Variants in UNC5C observed in about 807,000 individuals in gnomAD.
UNC5C encodes unc-5 netrin receptor C.
In UNC5C, 47 loss-of-function variants were observed where a neutral mutation model predicts 99.8. The observed-to-expected ratio is 0.47, with a 90% CI of 0.37 to 0.60. UNC5C has a LOEUF of 0.60. Among genes scored for constraint, UNC5C ranks in the 20% least tolerant of loss-of-function variants. The pLI, the probability that UNC5C is intolerant of heterozygous loss-of-function variation, is 0.00. For missense variants in UNC5C, 1,062 were observed against 1,165.9 expected, an observed-to-expected ratio of 0.91 and a Z score of 1.30; for synonymous variants, 487 against 452.2, an observed-to-expected ratio of 1.08 and a Z score of -0.98.
intron 4 of UNC5C, 129 bp from the exon 5 acceptor site, chr4:95,250,796 T>G: frequency 1.1e-6 from 1 of 897,504 alleles, no homozygotes; most frequent in South Asian, 1.7e-5. Context: ...TTTTGTAATA[T>G]GTACAATGTT....
chr4:95,282,994 C>T (rs1337184831), intron 3 of UNC5C, among the ~76,000 whole-genome samples: 1 of 152,032 alleles, frequency 6.6e-6, no homozygotes, highest in Admixed American at 6.6e-5. Context: ...AGGAGAAGGT[C>T]AGAGAAAACT....
chr4:95,200,976 G>A (rs1737631672), intron 12 of UNC5C, among the ~76,000 whole-genome samples: 2 of 152,174 alleles, frequency 1.3e-5, no homozygotes, highest in South Asian at 2.1e-4. Context: ...AATGGGATTA[G>A]TAGCCTTGTA....
chr4:95,507,774 G>A lies in UNC5C; in HGVS notation c.124+40960C>T, dbSNP rs573698008. The stretch of plus-strand genomic sequence containing the variant: ...AAGATCTTCAAAACTCAGACTCATC[G>A]TCTTCCCCTATGACTGTTTCTTCTG... On this transcript the variant is annotated intron_variant, in intron 1 of 15. Coordinates refer to ENST00000453304, the MANE Select transcript of UNC5C (RefSeq NM_003728.4). Among the ~76,000 whole-genome samples, 4 of 151,952 alleles carry A rather than the reference G, an allele frequency of 2.6e-5. No homozygotes were observed. In the East Asian group the frequency reaches 5.8e-4, roughly 22 times the overall value.
chr4:95,342,402 G>T (rs112908772), intron 1 of UNC5C, among the ~76,000 whole-genome samples: 2 of 152,048 alleles, frequency 1.3e-5, no homozygotes, highest in Non-Finnish European at 2.9e-5. Context: ...TTCTAGAGCC[G>T]CTTTGGGCCA....
intron 7 of UNC5C, among the ~76,000 whole-genome samples, chr4:95,234,630 A>T (rs1739040222): frequency 6.6e-6 from 1 of 152,196 alleles, no homozygotes; most frequent in South Asian, 2.1e-4. Flanking sequence ...ACCTTAAGTG[A>T]TTCTGATGGC....
At chr4:95,255,460 C>T (rs1028962571) in intron 4 of UNC5C, among the ~76,000 whole-genome samples, 2 of 152,142 alleles carry the variant, frequency 1.3e-5, no homozygotes, top group Admixed American at 1.3e-4. Flanking sequence ...CCACTACCTC[C>T]CCTTCTAGCC....
intron 3 of UNC5C, among the ~76,000 whole-genome samples, chr4:95,281,408 G>A (rs1398507315): frequency 6.6e-6 from 1 of 152,112 alleles, no homozygotes; most frequent in African/African-American, 2.4e-5. Flanking sequence ...GCTATGGAAA[G>A]GCAAACCCTC....
intron 3 of UNC5C, among the ~76,000 whole-genome samples, chr4:95,285,815 C>A (rs1011097961): frequency 6.6e-6 from 1 of 151,956 alleles, no homozygotes; most frequent in African/African-American, 2.4e-5. Context: ...TGTAAGGATG[C>A]GGGTATGTGT....
At chr4:95,477,294 G>T (rs1160282372) in intron 1 of UNC5C, among the ~76,000 whole-genome samples, 1 of 151,982 alleles carries the variant, frequency 6.6e-6, no homozygotes, top group Admixed American at 6.6e-5. Flanking sequence ...CACGGTGAGG[G>T]TTAAACTATA....
chr4:95,453,468 G>GAAGAAA (rs1444649770), intron 1 of UNC5C, among the ~76,000 whole-genome samples: 2 of 147,356 alleles, frequency 1.4e-5, no homozygotes, highest in Non-Finnish European at 3.0e-5. Context: ...AGGAAAAGAA[G>GAAGAAA]AAGAAAAAGA....
intron 1 of UNC5C, among the ~76,000 whole-genome samples, chr4:95,502,938 A>G (rs556236740): frequency 3.3e-5 from 5 of 152,230 alleles, no homozygotes; most frequent in South Asian, 2.1e-4. Context: ...CTAACCTTAC[A>G]TTTGCTCTTT....
intron 4 of UNC5C, among the ~76,000 whole-genome samples, chr4:95,263,544 G>A (rs1163944885): frequency 6.6e-6 from 1 of 152,130 alleles, no homozygotes. Context: ...TATGTCTCCT[G>A]GATGCCTCTG....
intron 6 of UNC5C, among the ~76,000 whole-genome samples, chr4:95,244,096 A>G (rs764870299): frequency 1.4e-4 from 22 of 152,208 alleles, no homozygotes; most frequent in Non-Finnish European, 2.6e-4. Context: ...GTTAAAAGAT[A>G]AAGGTTAAAG....
intron 4 of UNC5C, among the ~76,000 whole-genome samples, chr4:95,265,538 C>A (rs1740413224): frequency 6.6e-6 from 1 of 152,104 alleles, no homozygotes; most frequent in Admixed American, 6.6e-5. Context: ...ATGAAATGTG[C>A]TTTCTCTACT....
At chr4:95,413,098 C>T (rs1030577908) in intron 1 of UNC5C, among the ~76,000 whole-genome samples, 4 of 152,172 alleles carry the variant, frequency 2.6e-5, no homozygotes, top group Non-Finnish European at 5.9e-5. Context: ...CTCACCTTCC[C>T]TCTTTACCAC....
intron 12 of UNC5C, among the ~76,000 whole-genome samples, chr4:95,199,644 G>T (rs1426642718): frequency 6.6e-6 from 1 of 151,994 alleles, no homozygotes; most frequent in Non-Finnish European, 1.5e-5. Flanking sequence ...TTCTATTTTT[G>T]CATGTATTTG....
intron 1 of UNC5C, among the ~76,000 whole-genome samples, chr4:95,503,091 T>G (rs1247123234): frequency 3.3e-5 from 5 of 152,176 alleles, no homozygotes; most frequent in African/African-American, 1.2e-4. Flanking sequence ...GTTGGAAACT[T>G]GATCCCCTAT....
chr4:95,342,134 C>A (rs1212778937), intron 1 of UNC5C, among the ~76,000 whole-genome samples: 3 of 152,080 alleles, frequency 2.0e-5, no homozygotes, highest in African/African-American at 7.2e-5. Context: ...AGGCTCGGAA[C>A]CACTGGACTT....
In UNC5C at chr4:95,548,868, G is replaced by A. The variant is rs1482995851; in HGVS notation, c.-11C>T. The A allele has an allele frequency of 5.6e-6, 9 of 1,612,320 alleles. No individual in the cohort carries two copies. The highest frequency in any genetic ancestry group is 7.6e-6 in the Non-Finnish European group (9 of 1,179,632). On this transcript the variant is annotated 5_prime_UTR_variant, in exon 1 of 16. Coordinates refer to ENST00000453304, the MANE Select transcript of UNC5C (RefSeq NM_003728.4). ...CAGACCTTTCCTCATCGTAGACAGA[G>A]GTGTGCCGGGGGGAGGGGAGGGGGA...
Sources: gnomAD v4.1 joint callset for allele counts (sites outside exome capture counted in the v4.1 genomes callset) on GRCh38, gnomAD v4.1.1 for gene constraint, MANE v1.5 for transcripts, NCBI Gene and HGNC (gene_info 2026-07-23, HGNC 2026-07-21) for gene names.